BMP6: variants seen among roughly 807,000 people sequenced by gnomAD.
BMP6 encodes bone morphogenetic protein 6.
Under a neutral mutation model 54.1 loss-of-function variants are expected in BMP6, and 17 were observed. The observed-to-expected ratio is 0.31, with a 90% CI of 0.22 to 0.47. BMP6 has a LOEUF of 0.47. Ranked by LOEUF, BMP6 falls within the 20% of genes least tolerant of loss-of-function variation. The probability of loss-of-function intolerance (pLI) is 1.00; values close to 1 mark genes in which losing one functional copy is unlikely to be tolerated. For missense variants in BMP6, 720 were observed against 690.4 expected, an observed-to-expected ratio of 1.04 and a Z score of -0.48; for synonymous variants, 328 against 291.2, an observed-to-expected ratio of 1.13 and a Z score of -1.28.
rs1344096919 is a variant in BMP6 at position 7,727,078 on chromosome 6, G to T, written c.123G>T (p.Gly41=). The T allele has an allele frequency of 1.6e-6, 2 of 1,256,508 alleles. No individual in the cohort carries two copies. Among genetic ancestry groups the T allele is most frequent in the Admixed American group, 4.3e-5 (1 of 23,460 alleles). 77.8% of individuals were successfully genotyped at this position (1,256,508 alleles called of 1,614,324 possible). A position where few individuals can be genotyped will look rare whatever the true frequency, so the allele number is the denominator to read the frequency against. The change falls in exon 1 of 7, where the codon GGG becomes GGT. Residue 41 remains glycine, a synonymous_variant. Coordinates refer to ENST00000283147, the MANE Select transcript of BMP6 (RefSeq NM_001718.6). ...CTGCCGCGGCCGCCGCCGCCGGGGG[G>T]CAGCTGCTGGGGGACGGCGGGAGCC... ...LPAAAAAAAG[G]QLLGDGGSPG...
chr6:7,745,693 G>T (rs1183958697), intron 1 of BMP6, among the ~76,000 whole-genome samples: 1 of 152,184 alleles, frequency 6.6e-6, no homozygotes, highest in East Asian at 1.9e-4. Context: ...CTGCAGTAGG[G>T]AGGGGGCAGG....
At chr6:7,876,836 GT>G (rs1274269143) in intron 4 of BMP6, among the ~76,000 whole-genome samples, 1 of 151,522 alleles carries the variant, frequency 6.6e-6, no homozygotes, top group African/African-American at 2.4e-5. Context: ...TTGTTTTAAG[GT>G]TTCTAGTCCT....
At chr6:7,814,033 C>A (rs1271281728) in intron 1 of BMP6, among the ~76,000 whole-genome samples, 4 of 152,216 alleles carry the variant, frequency 2.6e-5, no homozygotes, top group Non-Finnish European at 5.9e-5. Flanking sequence ...TCAGCCAGGG[C>A]TGCTCTCAGA....
chr6:7,771,905 T>G (rs1196039396), intron 1 of BMP6, among the ~76,000 whole-genome samples: 1 of 151,816 alleles, frequency 6.6e-6, no homozygotes, highest in African/African-American at 2.4e-5. Flanking sequence ...ATACAAAAAT[T>G]AGCCAGGCGT....
At chr6:7,774,193 C>G (rs1757829571) in intron 1 of BMP6, among the ~76,000 whole-genome samples, 1 of 152,196 alleles carries the variant, frequency 6.6e-6, no homozygotes, top group South Asian at 2.1e-4. Flanking sequence ...GCTCCCTCAG[C>G]CTGGTGGCAG....
chr6:7,853,907 GA>G (rs11378183), intron 2 of BMP6, among the ~76,000 whole-genome samples: 49 of 148,288 alleles, frequency 3.3e-4, no homozygotes, highest in Non-Finnish European at 5.1e-4. Context: ...TACTTGGGGA[GA>G]AAAAAAAAAA....
chr6:7,807,491 G>T (rs571031936), intron 1 of BMP6, among the ~76,000 whole-genome samples: 142 of 152,234 alleles, frequency 9.3e-4, no homozygotes, highest in African/African-American at 3.2e-3. Context: ...ATGTTGGCCA[G>T]ACTGGTCTCG....
At chr6:7,866,444 G>GTT (rs1759425687) in intron 4 of BMP6, among the ~76,000 whole-genome samples, 3 of 152,160 alleles carry the variant, frequency 2.0e-5, no homozygotes, top group Admixed American at 2.0e-4. Flanking sequence ...CTCACTTGGG[G>GTT]TTCACTATTT....
chr6:7,792,319 C>T (rs1758120922), intron 1 of BMP6, among the ~76,000 whole-genome samples: 1 of 152,176 alleles, frequency 6.6e-6, no homozygotes, highest in South Asian at 2.1e-4. Flanking sequence ...ACAGCAACAC[C>T]TAGATTAGTG....
chr6:7,798,881 G>T (rs1187349224), intron 1 of BMP6, among the ~76,000 whole-genome samples: 1 of 152,174 alleles, frequency 6.6e-6, no homozygotes, highest in Non-Finnish European at 1.5e-5. Flanking sequence ...CAGATTCCAT[G>T]GCCAGACGCC....
At chr6:7,856,610 T>TTTTTTTTTTTTG (rs1477184469) in intron 2 of BMP6, among the ~76,000 whole-genome samples, 3 of 122,154 alleles carry the variant, frequency 2.5e-5, no homozygotes, top group African/African-American at 6.5e-5. Flanking sequence ...TTTTTTTTTT[T>TTTTTTTTTTTTG]TTTTGAGACG....
At chr6:7,776,444 G>C (rs1415999123) in intron 1 of BMP6, among the ~76,000 whole-genome samples, 1 of 152,170 alleles carries the variant, frequency 6.6e-6, no homozygotes, top group Non-Finnish European at 1.5e-5. Context: ...TAAAAAGGTT[G>C]GTTCCCAACA....
At chr6:7,783,441 T>C (rs76216699) in intron 1 of BMP6, among the ~76,000 whole-genome samples, 2,473 of 152,382 alleles carry the variant, frequency 0.016, 60 homozygotes, top group African/African-American at 0.055. Context: ...TTAACTATTT[T>C]TTATTCCTCT....
intron 1 of BMP6, among the ~76,000 whole-genome samples, chr6:7,735,443 T>G (rs1170434555): frequency 2.6e-5 from 4 of 152,254 alleles, no homozygotes; most frequent in African/African-American, 9.6e-5. Context: ...TACATTTAAA[T>G]AGTCCAAAGA....
intron 1 of BMP6, among the ~76,000 whole-genome samples, chr6:7,731,341 C>T (rs1423760819): frequency 6.6e-6 from 1 of 152,204 alleles, no homozygotes; most frequent in Non-Finnish European, 1.5e-5. Flanking sequence ...TAAAATTCAC[C>T]TAAGAGAGAC....
chr6:7,762,149 T>A (rs1047755247), intron 1 of BMP6, among the ~76,000 whole-genome samples: 1 of 152,230 alleles, frequency 6.6e-6, no homozygotes, highest in African/African-American at 2.4e-5. Context: ...CTCGAACTCC[T>A]GACCTCAAAT....
chr6:7,877,891 T>C (rs978535387), intron 4 of BMP6, among the ~76,000 whole-genome samples: 1 of 152,102 alleles, frequency 6.6e-6, no homozygotes, highest in Non-Finnish European at 1.5e-5. Context: ...CCAACACAAC[T>C]CCAGATGGAT....
chr6:7,767,111 C>A lies in BMP6; in HGVS notation c.664+39492C>A, dbSNP rs554947555. 1.7e-4 allele frequency among the ~76,000 whole-genome samples: 26 copies of A among 151,566 alleles called. No individual in the cohort carries two copies. The East Asian group carries it at 4.7e-3, about 27-fold the overall frequency. On this transcript the variant is annotated intron_variant, in intron 1 of 6. Coordinates refer to ENST00000283147, the MANE Select transcript of BMP6 (RefSeq NM_001718.6). ...ACGCCATTCTCCTGCCTCAGCTCTC[C>A]GAGTAGCTGGGACTACAGGTGCCGG...
At chr6:7,807,988 T>G (rs1292896582) in intron 1 of BMP6, among the ~76,000 whole-genome samples, 7 of 143,170 alleles carry the variant, frequency 4.9e-5, no homozygotes, top group African/African-American at 7.7e-5. Flanking sequence ...TGGCACGATC[T>G]CAGCTCACTG....
Sources: gnomAD v4.1 joint callset for allele counts (sites outside exome capture counted in the v4.1 genomes callset) on GRCh38, gnomAD v4.1.1 for gene constraint, MANE v1.5 for transcripts, NCBI Gene and HGNC (gene_info 2026-07-23, HGNC 2026-07-21) for gene names.